POU2F3: variants seen among roughly 807,000 people sequenced by gnomAD.
POU2F3 encodes the protein POU domain, class 2, transcription factor 3.
Under a neutral mutation model 59.2 loss-of-function variants are expected in POU2F3, and 23 were observed. That is an observed-to-expected ratio of 0.39 (90% CI 0.28 to 0.55). The LOEUF is 0.55. Among genes scored for constraint, POU2F3 ranks in the 20% least tolerant of loss-of-function variants. The probability of loss-of-function intolerance (pLI) is 0.66; values close to 1 mark genes in which losing one functional copy is unlikely to be tolerated. For synonymous variants in POU2F3, 190 were observed against 214.6 expected, an observed-to-expected ratio of 0.89 and a Z score of 1.00; for missense variants, 473 against 544.5, an observed-to-expected ratio of 0.87 and a Z score of 1.31.
intron 3 of POU2F3, among the ~76,000 whole-genome samples, chr11:120,271,988 C>T (rs894907960): frequency 1.1e-4 from 16 of 152,128 alleles, no homozygotes; most frequent in Non-Finnish European, 1.8e-4. Context: ...ACACTCACAC[C>T]AGCTCACCTG....
chr11:120,280,527 T>C (rs1329819364), intron 3 of POU2F3, among the ~76,000 whole-genome samples: 2 of 152,126 alleles, frequency 1.3e-5, no homozygotes, highest in African/African-American at 4.8e-5. Flanking sequence ...AGAGGTTAAG[T>C]AACTTGCCCA....
chr11:120,258,597 G>C (rs1173359968), intron 2 of POU2F3, among the ~76,000 whole-genome samples: 2 of 152,052 alleles, frequency 1.3e-5, no homozygotes, highest in African/African-American at 4.8e-5. Flanking sequence ...TGTGTTTTTG[G>C]GTGCAACTAG....
chr11:120,239,558 C>T (rs1938582382), upstream of POU2F3, among the ~76,000 whole-genome samples: 1 of 152,200 alleles, frequency 6.6e-6, no homozygotes, highest in South Asian at 2.1e-4. Flanking sequence ...CCTGGAAACT[C>T]TGCTAATAAT....
intron 3 of POU2F3, among the ~76,000 whole-genome samples, chr11:120,288,128 C>CAAAAAAAAAAAA: frequency 5.5e-4 from 35 of 63,328 alleles, no homozygotes; most frequent in African/African-American, 1.5e-3. Flanking sequence ...ACAAAAAAAC[C>CAAAAAAAAAAAA]AAAAAAAAAA....
intron 1 of POU2F3, among the ~76,000 whole-genome samples, chr11:120,242,054 G>A (rs1022978566): frequency 2.6e-5 from 4 of 152,110 alleles, no homozygotes; most frequent in Non-Finnish European, 5.9e-5. Flanking sequence ...ATTCCTCAGG[G>A]CGGGATCTCC....
intron 3 of POU2F3, among the ~76,000 whole-genome samples, chr11:120,287,373 T>C (rs1370140328): frequency 6.6e-6 from 1 of 152,236 alleles, no homozygotes; most frequent in Non-Finnish European, 1.5e-5. Flanking sequence ...CATTATGCAC[T>C]GTGCTGGGCA....
chr11:120,277,148 G>A (rs540171472), intron 3 of POU2F3, among the ~76,000 whole-genome samples: 121 of 152,010 alleles, frequency 8.0e-4, no homozygotes, highest in African/African-American at 2.8e-3. Flanking sequence ...AAGTTTAGCC[G>A]GGCATGGTGG....
chr11:120,283,036 T>C (rs1940635775), intron 3 of POU2F3, among the ~76,000 whole-genome samples: 1 of 152,206 alleles, frequency 6.6e-6, no homozygotes, highest in Non-Finnish European at 1.5e-5. Context: ...GCTGGGACTT[T>C]TGCAAGTGTG....
rs368840557 is a variant in POU2F3 at position 120,315,620 on chromosome 11, C to T, written c.1135+193C>T. ...GCTGAGGAAGCCCAGTTTAAACAAG[C>T]GAATTGTTTTGTTTTGTTTTGCTTT... On this transcript the variant is annotated intron_variant, in intron 11 of 12. Transcript: ENST00000543440. Among the ~76,000 whole-genome samples, 42 of 152,248 alleles carry T rather than the reference C, an allele frequency of 2.8e-4. 1 individual carries two copies. In the East Asian group the frequency reaches 4.4e-3, roughly 16 times the overall value.
Position 120,292,893 on chromosome 11 carries a change from T to C in POU2F3, c.133-5372T>C, listed in dbSNP as rs190276176. 2.5e-4 allele frequency among the ~76,000 whole-genome samples: 38 copies of C among 152,354 alleles called. 1 individual carries two copies. The highest frequency in any genetic ancestry group is 1.8e-3 in the Admixed American group (27 of 15,302). On this transcript the variant is annotated intron_variant, in intron 3 of 12. Transcript: ENST00000543440. ...TTCCAGAGGGAGAAGAAAACTTTTATGGGCTTAAAATGAAGGGGTTTTTCA... is the reference window on the plus strand; with the variant it reads ...TTCCAGAGGGAGAAGAAAACTTTTACGGGCTTAAAATGAAGGGGTTTTTCA...
rs145533594 is a variant in POU2F3, at chr11:120,293,243, A to G, written c.133-5022A>G. On this transcript the variant is annotated intron_variant, in intron 3 of 12. Coordinates refer to ENST00000543440, the MANE Select transcript of POU2F3 (RefSeq NM_014352.4). Reference sequence around the variant, plus strand: ...AGGGGCTGGATGAGGTCATCTCCCCAAGCACTTCCTAGAGGCATCTGAGGA... The same window carrying G: ...AGGGGCTGGATGAGGTCATCTCCCCGAGCACTTCCTAGAGGCATCTGAGGA... Among the ~76,000 whole-genome samples, 3 of 152,208 alleles carry G rather than the reference A, an allele frequency of 2.0e-5. No homozygotes were observed. The East Asian group carries it at 5.8e-4, about 29-fold the overall frequency.
chr11:120,236,920 C>T (rs1374849088), upstream of POU2F3, among the ~76,000 whole-genome samples: 1 of 152,152 alleles, frequency 6.6e-6, no homozygotes, highest in Admixed American at 6.5e-5. Flanking sequence ...TATGTTTGTT[C>T]TGTTTTCTGG....
At chr11:120,313,469 A>T (rs1038000538) in intron 10 of POU2F3, among the ~76,000 whole-genome samples, 1 of 152,150 alleles carries the variant, frequency 6.6e-6, no homozygotes. Flanking sequence ...GAGGGAGAAA[A>T]TTTTCTGATC....
At chr11:120,288,115 C>A (rs375891698) in intron 3 of POU2F3, among the ~76,000 whole-genome samples, 29 of 20,652 alleles carry the variant, frequency 1.4e-3, no homozygotes, top group East Asian at 2.4e-3. Context: ...AGAAAGAAAA[C>A]AAACAAAAAA....
At chr11:120,236,639 T>G (rs760659353), upstream of POU2F3, 32 of 1,464,186 alleles carry the variant, frequency 2.2e-5, no homozygotes, top group South Asian at 3.6e-4. Context: ...TTCCTCTCTA[T>G]CTCACTCCAG....
intron 2 of POU2F3, among the ~76,000 whole-genome samples, chr11:120,248,470 C>A (rs957433422): frequency 3.9e-5 from 6 of 152,158 alleles, no homozygotes; most frequent in African/African-American, 1.4e-4. Context: ...CAGCTGTGAT[C>A]GTCATTAAGA....
chr11:120,309,712 A>G, intron 10 of POU2F3, 126 bp downstream of exon 10: 1 of 1,147,250 alleles, frequency 8.7e-7, no homozygotes, highest in Non-Finnish European at 1.2e-6. Flanking sequence ...TGCTGTATAG[A>G]ATATAGTATA....
chr11:120,238,690 T>C (rs1312369222), upstream of POU2F3, among the ~76,000 whole-genome samples: 3 of 151,464 alleles, frequency 2.0e-5, no homozygotes, highest in East Asian at 5.8e-4. Flanking sequence ...AAAAATTAGC[T>C]GGGTGTAGTG....
chr11:120,274,458 T>C (rs1198721867), intron 3 of POU2F3, among the ~76,000 whole-genome samples: 1 of 152,180 alleles, frequency 6.6e-6, no homozygotes, highest in East Asian at 1.9e-4. Context: ...CAGGAAGATT[T>C]TGGCGACAGG....
Sources: gnomAD v4.1 joint callset for allele counts (sites outside exome capture counted in the v4.1 genomes callset) on GRCh38, gnomAD v4.1.1 for gene constraint, MANE v1.5 for transcripts, NCBI Gene and HGNC (gene_info 2026-07-23, HGNC 2026-07-21) for gene names.